Variants in IRAK2 observed in about 807,000 individuals in gnomAD.
IRAK2 encodes interleukin 1 receptor associated kinase 2, also known as interleukin-1 receptor-associated kinase-like 2.
In IRAK2, 57 loss-of-function variants were observed where a neutral mutation model predicts 72.0. The ratio of observed to expected loss-of-function variants is 0.79; its 90% CI spans 0.64 to 0.99. The LOEUF (loss-of-function observed/expected upper bound fraction) is 0.99, where lower values mean the gene tolerates loss of function less well. IRAK2 is among the 50% of genes least tolerant of loss of function. IRAK2 has a pLI of 0.00. For synonymous variants in IRAK2, 293 were observed against 312.7 expected (o/e 0.94, Z 0.67); for missense variants, 790 against 794.4 (o/e 0.99, Z 0.07).
rs983594030 is a variant in IRAK2, at chr3:10,243,710, T to C, written c.*1482T>C. 8.6e-5 allele frequency: 13 copies of C among 151,778 alleles called. No individual in the cohort carries two copies. The highest frequency in any genetic ancestry group is 1.3e-4 in the Non-Finnish European group (9 of 68,048). 9.4% of individuals were successfully genotyped at this position (151,778 alleles called of 1,614,324 possible). ...CTATTTAAAGTAATCTATAGTAATT[T>C]CTTTTTATATAATAAAAATATATTT... On this transcript the variant is annotated 3_prime_UTR_variant, in exon 13 of 13. Coordinates refer to ENST00000256458, the MANE Select transcript of IRAK2 (RefSeq NM_001570.4).
chr3:10,226,851 C>G (rs952703859), intron 10 of IRAK2, among the ~76,000 whole-genome samples: 1 of 150,144 alleles, frequency 6.7e-6, no homozygotes, highest in Non-Finnish European at 1.5e-5. Flanking sequence ...GAGGCTGAGG[C>G]AGGAGAATCA....
intron 7 of IRAK2, 89 bp from the exon 8 acceptor site, chr3:10,219,591 T>TA (rs1416200870): frequency 3.4e-6 from 3 of 889,462 alleles, no homozygotes; most frequent in Non-Finnish European, 5.4e-6. Context: ...GTGCTGGGAT[T>TA]ACAGGTGTGA....
intron 10 of IRAK2, among the ~76,000 whole-genome samples, chr3:10,231,503 G>C (rs1384444455): frequency 1.3e-5 from 2 of 152,010 alleles, no homozygotes; most frequent in African/African-American, 4.8e-5. Flanking sequence ...ATGTTGCCCA[G>C]GCTGGTCTCG....
chr3:10,218,555 C>T (rs1025463169), intron 7 of IRAK2, among the ~76,000 whole-genome samples: 1 of 152,098 alleles, frequency 6.6e-6, no homozygotes, highest in Admixed American at 6.6e-5. Context: ...TGAAGTTTCC[C>T]CTAATACAGA....
At chr3:10,239,064 T>C (rs760872698) in intron 12 of IRAK2, 25 bp downstream of exon 12, 1 of 1,552,528 alleles carries the variant, frequency 6.4e-7, no homozygotes, top group Admixed American at 1.9e-5. Context: ...AGAGTGCATT[T>C]GGATGCTCAT....
chr3:10,235,366 G>A (rs1455662395), intron 11 of IRAK2, among the ~76,000 whole-genome samples: 1 of 151,822 alleles, frequency 6.6e-6, no homozygotes, highest in Non-Finnish European at 1.5e-5. Flanking sequence ...GAGTGCAGTG[G>A]TGCTATCTCC....
chr3:10,209,490 G>T, intron 3 of IRAK2, 99 bp from the exon 4 acceptor site: 2 of 662,838 alleles, frequency 3.0e-6, no homozygotes, highest in South Asian at 3.3e-5. Flanking sequence ...AAGTGTTTGG[G>T]GAGTGAACAG....
intron 10 of IRAK2, among the ~76,000 whole-genome samples, chr3:10,231,398 TCTC>T (rs1697859805): frequency 6.6e-6 from 1 of 152,074 alleles, no homozygotes; most frequent in Admixed American, 6.6e-5. Context: ...TTCAAGCAAT[TCTC>T]CTGCCTCAGC....
At chr3:10,189,336 G>T (rs565042736) in intron 2 of IRAK2, among the ~76,000 whole-genome samples, 1 of 152,242 alleles carries the variant, frequency 6.6e-6, no homozygotes, top group Non-Finnish European at 1.5e-5. Context: ...TGGGGACAGG[G>T]CAGGGTCAGG....
chr3:10,230,470 G>A (rs1351628941), intron 10 of IRAK2, among the ~76,000 whole-genome samples: 5 of 152,108 alleles, frequency 3.3e-5, no homozygotes, highest in Non-Finnish European at 7.4e-5. Context: ...TTATAGGCAT[G>A]AGCCACTGTG....
intron 11 of IRAK2, among the ~76,000 whole-genome samples, chr3:10,237,203 G>A (rs547651574): frequency 2.2e-4 from 33 of 152,246 alleles, no homozygotes; most frequent in Non-Finnish European, 4.4e-4. Flanking sequence ...CATCTACTGT[G>A]AAGATTTATC....
At position 10,234,628 on chromosome 3, in the gene IRAK2, G is replaced by A. The variant is rs752615217; in HGVS notation, c.1442G>A (p.Cys481Tyr). The stretch of plus-strand genomic sequence containing the variant: ...GCCCTGGCCACGGCTGCCTGCCTGT[G>A]CCTGCGGAGGCGTAACACCAGCCTG... Reference protein sequence around the residue: ...AEALATAACLCLRRRNTSLQE... With the variant: ...AEALATAACLYLRRRNTSLQE... The change falls in exon 11 of 13, where the codon TGC becomes TAC. Residue 481 changes from cysteine (C) to tyrosine (Y), a missense_variant. Coordinates refer to ENST00000256458, the MANE Select transcript of IRAK2 (RefSeq NM_001570.4). 3.1e-6 allele frequency: 5 copies of A among 1,613,108 alleles called. No homozygotes were observed. The African/African-American group carries it at 4.0e-5, about 13-fold the overall frequency.
intron 1 of IRAK2, 58 bp downstream of exon 1, chr3:10,165,106 G>A (rs1696659285): frequency 2.1e-6 from 3 of 1,452,592 alleles, no homozygotes; most frequent in African/African-American, 1.4e-5. Flanking sequence ...CAGCGATCCC[G>A]CCTGGAGCGG....
intron 4 of IRAK2, 57 bp from the exon 5 acceptor site, chr3:10,213,150 G>C: frequency 7.0e-7 from 1 of 1,437,128 alleles, no homozygotes. Flanking sequence ...GTCCCTTGAG[G>C]TAGCAGAGAA....
rs145295208 is a variant in IRAK2 at position 10,224,291 on chromosome 3, C to T, written c.1209+1460C>T. Among the ~76,000 whole-genome samples, 293 of 150,208 alleles carry T rather than the reference C, an allele frequency of 2.0e-3. 7 individuals carry two copies. In the South Asian group the frequency reaches 0.034, roughly 17 times the overall value. ...GGCAGAGGTTGCAGTAAGCCGAGAT[C>T]GCGCCATTGCACTCCAGCCTGGGCA... is the stretch of plus-strand genomic sequence containing the variant. On this transcript the variant is annotated intron_variant, in intron 9 of 12. Coordinates refer to ENST00000256458, the MANE Select transcript of IRAK2 (RefSeq NM_001570.4).
chr3:10,194,068 T>G (rs552788177), intron 2 of IRAK2, among the ~76,000 whole-genome samples: 4 of 152,396 alleles, frequency 2.6e-5, no homozygotes, highest in African/African-American at 9.6e-5. Flanking sequence ...CACAGTGTTG[T>G]GGGCCCCTGC....
chr3:10,231,607 A>C lies in IRAK2; in HGVS notation c.1273-2852A>C, dbSNP rs79235507. ...CGTGCCCAGCCAAAAGTTGCTTTTT[A>C]AGGGTGGTTTGTTTGAAACTAGACC... On this transcript the variant is annotated intron_variant, in intron 10 of 12. Transcript: ENST00000256458. 4.9e-3 allele frequency among the ~76,000 whole-genome samples: 738 copies of C among 150,612 alleles called. 1 individual carries two copies. The highest frequency in any genetic ancestry group is 0.013 in the South Asian group (62 of 4,756).
At chr3:10,193,865 C>T (rs1201679536) in intron 2 of IRAK2, among the ~76,000 whole-genome samples, 1 of 152,250 alleles carries the variant, frequency 6.6e-6, no homozygotes, top group Non-Finnish European at 1.5e-5. Context: ...TGTTACTTTG[C>T]TCTCATGGCC....
chr3:10,178,741 G>C (rs550271520), intron 2 of IRAK2, among the ~76,000 whole-genome samples: 30 of 152,262 alleles, frequency 2.0e-4, no homozygotes, highest in African/African-American at 6.3e-4. Context: ...AAAAATTTCT[G>C]GCTTGTCTTA....
Sources: gnomAD v4.1 joint callset for allele counts (sites outside exome capture counted in the v4.1 genomes callset) on GRCh38, gnomAD v4.1.1 for gene constraint, MANE v1.5 for transcripts, NCBI Gene and HGNC (gene_info 2026-07-23, HGNC 2026-07-21) for gene names.